CSRNP3: variants seen among roughly 807,000 people sequenced by gnomAD.
The protein encoded by CSRNP3 is cysteine and serine rich nuclear protein 3, also known as cysteine/serine-rich nuclear protein 3.
A neutral mutation model predicts 48.0 loss-of-function variants in CSRNP3; 12 were observed. The observed-to-expected ratio is 0.25, with a 90% CI of 0.16 to 0.41. The LOEUF is 0.41. Among genes scored for constraint, CSRNP3 ranks in the 10% least tolerant of loss-of-function variants. The probability of loss-of-function intolerance (pLI) is 1.00; values close to 1 mark genes in which losing one functional copy is unlikely to be tolerated. For missense variants in CSRNP3, 580 were observed against 724.4 expected (o/e 0.80, Z 2.29); for synonymous variants, 263 against 269.7 (o/e 0.98, Z 0.24).
chr2:165,525,216 C>T lies in CSRNP3; in HGVS notation c.-24+7255C>T, dbSNP rs969904452. Reference sequence around the variant, plus strand: ...TGCTTATTCGCCATCTGTTTGTTTTCTTTTGTGAAGTGTTTGTTCATACAT... The same window carrying T: ...TGCTTATTCGCCATCTGTTTGTTTTTTTTTGTGAAGTGTTTGTTCATACAT... On this transcript the variant is annotated intron_variant, in intron 3 of 6. Transcript: ENST00000651982. Among the ~76,000 whole-genome samples, 4 of 151,994 alleles carry T rather than the reference C, an allele frequency of 2.6e-5. No homozygotes were observed. The South Asian group carries it at 6.2e-4, about 24-fold the overall frequency.
intron 1 of CSRNP3, among the ~76,000 whole-genome samples, chr2:165,477,174 A>T (rs13027547): frequency 0.36 from 54,974 of 151,824 alleles, 10,006 homozygotes; most frequent in African/African-American, 0.42. Context: ...TGGGGCATAG[A>T]TCTCAGAAAT....
intron 4 of CSRNP3, among the ~76,000 whole-genome samples, chr2:165,619,300 A>T (rs1433889564): frequency 6.6e-6 from 1 of 152,202 alleles, no homozygotes. Flanking sequence ...ACATTTAAAA[A>T]TTACAGGATA....
chr2:165,660,210 A>T (rs1573951394), intron 5 of CSRNP3, among the ~76,000 whole-genome samples: 1 of 152,340 alleles, frequency 6.6e-6, no homozygotes, highest in African/African-American at 2.4e-5. Context: ...ATAGCACAAT[A>T]GTAATGGCTG....
intron 5 of CSRNP3, 102 bp downstream of exon 5, chr2:165,658,122 T>C: frequency 7.8e-7 from 1 of 1,287,926 alleles, no homozygotes. Context: ...CTGGGCACTT[T>C]ACATAACAGA....
At chr2:165,567,708 T>G (rs1291239915) in intron 3 of CSRNP3, among the ~76,000 whole-genome samples, 1 of 152,086 alleles carries the variant, frequency 6.6e-6, no homozygotes, top group Non-Finnish European at 1.5e-5. Context: ...GTTTTTTATC[T>G]TTGCATAACT....
At chr2:165,539,684 C>T (rs754959857) in intron 3 of CSRNP3, among the ~76,000 whole-genome samples, 6 of 152,090 alleles carry the variant, frequency 3.9e-5, no homozygotes, top group South Asian at 2.1e-4. Flanking sequence ...TTTAAATCAA[C>T]GTGAATTTAT....
chr2:165,618,829 T>C (rs1055903459), intron 4 of CSRNP3, among the ~76,000 whole-genome samples: 3 of 152,210 alleles, frequency 2.0e-5, no homozygotes, highest in Non-Finnish European at 4.4e-5. Flanking sequence ...CTCAGTAATA[T>C]ACTAGAGGTT....
chr2:165,572,913 A>G (rs1685394537), intron 3 of CSRNP3, among the ~76,000 whole-genome samples: 1 of 152,228 alleles, frequency 6.6e-6, no homozygotes. Context: ...CAAATAGTTC[A>G]CATAAAAAGC....
intron 3 of CSRNP3, among the ~76,000 whole-genome samples, chr2:165,519,949 A>G (rs1409878654): frequency 6.6e-6 from 1 of 152,190 alleles, no homozygotes; most frequent in East Asian, 1.9e-4. Flanking sequence ...TTCTGTTCAC[A>G]TAGTACCCAC....
At chr2:165,553,022 C>T (rs1177769135) in intron 3 of CSRNP3, among the ~76,000 whole-genome samples, 2 of 152,114 alleles carry the variant, frequency 1.3e-5, no homozygotes, top group Admixed American at 6.5e-5. Context: ...GTAATATCAA[C>T]GTTCATGTAG....
chr2:165,540,071 C>T (rs60756002), intron 3 of CSRNP3, among the ~76,000 whole-genome samples: 4,477 of 152,170 alleles, frequency 0.029, 203 homozygotes, highest in African/African-American at 0.1. Flanking sequence ...TGACAAGACT[C>T]TCCAGCCCAA....
At chr2:165,469,996 C>T (rs1184979120) in intron 1 of CSRNP3, among the ~76,000 whole-genome samples, 7 of 152,040 alleles carry the variant, frequency 4.6e-5, no homozygotes, top group Non-Finnish European at 7.4e-5. Flanking sequence ...ACTTTCTATG[C>T]AAGTGTCACT....
chr2:165,674,681 AATATATAT>A (rs59117817), intron 5 of CSRNP3, among the ~76,000 whole-genome samples: 1,169 of 103,202 alleles, frequency 0.011, 43 homozygotes, highest in African/African-American at 0.042. Context: ...AATACTTCTG[AATATATAT>A]ATATATATAT....
At chr2:165,584,789 A>G (rs1309893026) in intron 3 of CSRNP3, among the ~76,000 whole-genome samples, 1 of 152,206 alleles carries the variant, frequency 6.6e-6, no homozygotes, top group African/African-American at 2.4e-5. Flanking sequence ...AAGAGTTTAG[A>G]CCAGGGATGT....
chr2:165,679,908 A>AG lies in CSRNP3; in HGVS notation c.*155_*156insG. 1 of 1,036,700 alleles carries AG rather than the reference A, an allele frequency of 9.6e-7. No homozygotes were observed. Among genetic ancestry groups the AG allele is most frequent in the Non-Finnish European group, 1.4e-6 (1 of 715,826 alleles). The allele number at this position is 1,036,700 out of a possible 1,614,324, so 64.2% of individuals were successfully genotyped here. On this transcript the variant is annotated 3_prime_UTR_variant, in exon 7 of 7. Transcript: ENST00000651982. ...ATTTTGTTTTTTCCTTTCTAGCCAC[A>AG]TGACTGTGGCATTGCACAAATACAG...
intron 4 of CSRNP3, among the ~76,000 whole-genome samples, chr2:165,639,131 A>C (rs138153172): frequency 6.6e-6 from 1 of 152,182 alleles, no homozygotes; most frequent in African/African-American, 2.4e-5. Context: ...TTTTCTCTAT[A>C]TGACACATCG....
intron 1 of CSRNP3, among the ~76,000 whole-genome samples, chr2:165,476,065 G>A (rs983011374): frequency 4.6e-5 from 7 of 152,254 alleles, no homozygotes; most frequent in African/African-American, 1.4e-4. Context: ...AAATATAGTA[G>A]TATATATTTA....
chr2:165,548,715 C>A (rs1417253585), intron 3 of CSRNP3, among the ~76,000 whole-genome samples: 1 of 151,930 alleles, frequency 6.6e-6, no homozygotes, highest in Admixed American at 6.6e-5. Flanking sequence ...CCCTAAAGAG[C>A]AAGTACCTAA....
chr2:165,675,426 C>G (rs1379433611), intron 5 of CSRNP3, among the ~76,000 whole-genome samples: 1 of 152,090 alleles, frequency 6.6e-6, no homozygotes, highest in African/African-American at 2.4e-5. Flanking sequence ...TCAGAGAAAA[C>G]TTCTTTTTCT....
Sources: gnomAD v4.1 joint callset for allele counts (sites outside exome capture counted in the v4.1 genomes callset) on GRCh38, gnomAD v4.1.1 for gene constraint, MANE v1.5 for transcripts, NCBI Gene and HGNC (gene_info 2026-07-23, HGNC 2026-07-21) for gene names.